The following USP15 variants were observed in gnomAD, a reference collection of about 807,000 sequenced individuals.
The protein encoded by USP15 is ubiquitin specific peptidase 15, also known as ubiquitin carboxyl-terminal hydrolase 15.
Under a neutral mutation model 127.1 loss-of-function variants are expected in USP15, and 18 were observed. That is an observed-to-expected ratio of 0.14 (90% confidence interval 0.10 to 0.21). The LOEUF (loss-of-function observed/expected upper bound fraction) is 0.21, where lower values mean the gene tolerates loss of function less well. Ranked by LOEUF, USP15 falls within the 10% of genes least tolerant of loss-of-function variation. USP15 has a pLI of 1.00. For missense variants in USP15, 805 were observed against 1,159.9 expected, an observed-to-expected ratio of 0.69 and a Z score of 4.44; for synonymous variants, 364 against 393.7, an observed-to-expected ratio of 0.92 and a Z score of 0.89.
At chr12:62,331,190 C>A (rs563999068) in intron 6 of USP15, among the ~76,000 whole-genome samples, 1 of 152,240 alleles carries the variant, frequency 6.6e-6, no homozygotes, top group South Asian at 2.1e-4. Context: ...TAGCACATAA[C>A]CAGTTCCTAG....
chr12:62,266,456 G>A (rs933176628), intron 1 of USP15, among the ~76,000 whole-genome samples: 1 of 152,026 alleles, frequency 6.6e-6, no homozygotes, highest in Non-Finnish European at 1.5e-5. Context: ...AAGAATTTTT[G>A]AAGTGAAAGA....
chr12:62,363,849 T>G (rs995376219), intron 8 of USP15, among the ~76,000 whole-genome samples: 1 of 152,192 alleles, frequency 6.6e-6, no homozygotes, highest in African/African-American at 2.4e-5. Flanking sequence ...CTCTAGTTTT[T>G]GGCTTATATA....
At chr12:62,322,012 A>C (rs2065000258) in intron 5 of USP15, among the ~76,000 whole-genome samples, 1 of 152,238 alleles carries the variant, frequency 6.6e-6, no homozygotes, top group Admixed American at 6.5e-5. Flanking sequence ...CATAGATGAT[A>C]CATGAATAAA....
At chr12:62,288,808 A>G (rs573588228) in intron 1 of USP15, among the ~76,000 whole-genome samples, 1 of 152,152 alleles carries the variant, frequency 6.6e-6, no homozygotes, top group South Asian at 2.1e-4. Flanking sequence ...TGAGATGTTG[A>G]ATTTTACCAG....
At chr12:62,306,259 A>G (rs2064481088) in intron 3 of USP15, among the ~76,000 whole-genome samples, 1 of 152,190 alleles carries the variant, frequency 6.6e-6, no homozygotes, top group South Asian at 2.1e-4. Flanking sequence ...GTAATTTATT[A>G]TGCAGCAATA....
intron 3 of USP15, among the ~76,000 whole-genome samples, chr12:62,314,344 G>A (rs956171516): frequency 1.3e-5 from 2 of 151,598 alleles, no homozygotes; most frequent in African/African-American, 2.4e-5. Context: ...TTTCTGCTTG[G>A]GATCACTACT....
intron 11 of USP15, among the ~76,000 whole-genome samples, chr12:62,385,704 C>G (rs1592711674): frequency 6.6e-6 from 1 of 152,090 alleles, no homozygotes; most frequent in Middle Eastern, 3.4e-3. Flanking sequence ...TAGATATTCA[C>G]TTATTCACTC....
intron 8 of USP15, among the ~76,000 whole-genome samples, chr12:62,359,944 A>C (rs1455133199): frequency 1.3e-5 from 2 of 152,156 alleles, no homozygotes; most frequent in Non-Finnish European, 2.9e-5. Flanking sequence ...TAGTTCCCTA[A>C]ATCTGTTACT....
rs1037055093 is a variant in USP15 at position 62,407,496 on chromosome 12, A to G, written c.*3121A>G. The G allele has an allele frequency of 6.6e-5, 10 of 152,236 alleles. No homozygotes were observed. Among genetic ancestry groups the G allele is most frequent in the Non-Finnish European group, 1.2e-4 (8 of 68,038 alleles). 9.4% of individuals were successfully genotyped at this position (152,236 alleles called of 1,614,324 possible). A position where few individuals can be genotyped will look rare whatever the true frequency, so the allele number is the denominator to read the frequency against. On this transcript the variant is annotated 3_prime_UTR_variant, in exon 22 of 22. Coordinates refer to ENST00000280377, the MANE Select transcript of USP15 (RefSeq NM_001252078.2). ...CTAATAACTTTGCTTCTAAAAGTAT[A>G]TTTAGCTCAGTATTCGAGCATTGAA...
At chr12:62,351,837 T>G (rs2065975113) in intron 7 of USP15, among the ~76,000 whole-genome samples, 1 of 151,918 alleles carries the variant, frequency 6.6e-6, no homozygotes, top group South Asian at 2.1e-4. Context: ...TATGTAAGGA[T>G]TATCTTTCTT....
chr12:62,295,120 G>C (rs562229464), intron 2 of USP15, among the ~76,000 whole-genome samples: 2 of 152,184 alleles, frequency 1.3e-5, no homozygotes, highest in East Asian at 3.9e-4. Flanking sequence ...GTAGCTCAGA[G>C]AGAGAGAGAC....
chr12:62,343,041 G>A (rs1364371632), intron 6 of USP15, among the ~76,000 whole-genome samples: 1 of 152,170 alleles, frequency 6.6e-6, no homozygotes, highest in Non-Finnish European at 1.5e-5. Context: ...CAGTGTCTCT[G>A]TCCCAGGGAG....
At chr12:62,270,645 G>A (rs940437395) in intron 1 of USP15, among the ~76,000 whole-genome samples, 2 of 151,862 alleles carry the variant, frequency 1.3e-5, no homozygotes, top group African/African-American at 4.8e-5. Flanking sequence ...CAATTATCTT[G>A]GTACCCTGCT....
chr12:62,318,149 A>T (rs935961461), intron 4 of USP15, among the ~76,000 whole-genome samples: 2 of 152,208 alleles, frequency 1.3e-5, no homozygotes, highest in Non-Finnish European at 1.5e-5. Flanking sequence ...CTCAACCATC[A>T]GCCAAGCTCA....
intron 8 of USP15, among the ~76,000 whole-genome samples, chr12:62,368,126 A>G (rs1391267660): frequency 6.6e-6 from 1 of 152,076 alleles, no homozygotes; most frequent in Admixed American, 6.6e-5. Flanking sequence ...GTTTTGAGTG[A>G]GTTTCTTAAT....
At chr12:62,336,127 G>A in intron 6 of USP15, 3 of 985,296 alleles carry the variant, frequency 3.0e-6, no homozygotes, top group Non-Finnish European at 3.6e-6. Flanking sequence ...CTAAATTTCT[G>A]TCAGAAGACC....
chr12:62,358,481 A>C (rs182461285), intron 8 of USP15, among the ~76,000 whole-genome samples: 1 of 152,286 alleles, frequency 6.6e-6, no homozygotes, highest in East Asian at 1.9e-4. Flanking sequence ...TTGGGAGGCC[A>C]AGGCGAGTGG....
At chr12:62,373,055 T>C (rs991854657) in intron 8 of USP15, among the ~76,000 whole-genome samples, 1 of 152,142 alleles carries the variant, frequency 6.6e-6, no homozygotes, top group Admixed American at 6.6e-5. Flanking sequence ...CAACTTGTCC[T>C]AGTCTTCTAG....
chr12:62,348,723 G>A (rs1460886513), intron 6 of USP15, among the ~76,000 whole-genome samples: 1 of 152,002 alleles, frequency 6.6e-6, no homozygotes, highest in Non-Finnish European at 1.5e-5. Context: ...TTTCCCTTTG[G>A]CCAAATATAG....
Sources: allele counts gnomAD v4.1 joint callset (sites outside exome capture counted in the v4.1 genomes callset), GRCh38; gene constraint gnomAD v4.1.1; transcripts MANE v1.5; gene names NCBI Gene and HGNC (gene_info 2026-07-23, HGNC 2026-07-21).